PDE4D: variants seen among roughly 807,000 people sequenced by gnomAD.
PDE4D encodes 3',5'-cyclic-AMP phosphodiesterase 4D.
In PDE4D, 24 loss-of-function variants were observed where a neutral mutation model predicts 87.4. The ratio of observed to expected loss-of-function variants is 0.27; its 90% confidence interval spans 0.20 to 0.39. The LOEUF (loss-of-function observed/expected upper bound fraction) is 0.39, where lower values mean the gene tolerates loss of function less well. Ranked by LOEUF, PDE4D falls within the 10% of genes least tolerant of loss-of-function variation. The pLI, the probability that PDE4D is intolerant of heterozygous loss-of-function variation, is 1.00. For missense variants in PDE4D, 714 were observed against 1,041.0 expected, an observed-to-expected ratio of 0.69 and a Z score of 4.32; for synonymous variants, 384 against 383.2, an observed-to-expected ratio of 1.00 and a Z score of -0.02.
intron 1 of PDE4D, among the ~76,000 whole-genome samples, chr5:60,223,201 A>C (rs1372760318): frequency 6.6e-6 from 1 of 152,104 alleles, no homozygotes. Context: ...ATCAACATAT[A>C]ACAAATGAAA....
At chr5:59,901,923 A>AACACAC (rs59453461) in intron 3 of PDE4D, among the ~76,000 whole-genome samples, 3,395 of 134,228 alleles carry the variant, frequency 0.025, 84 homozygotes, top group Non-Finnish European at 0.037. Flanking sequence ...CTTACATGCA[A>AACACAC]ACACACACAC....
At chr5:59,536,563 T>G (rs528128302) in intron 1 of PDE4D, among the ~76,000 whole-genome samples, 69 of 151,242 alleles carry the variant, frequency 4.6e-4, no homozygotes, top group Middle Eastern at 3.4e-3. Flanking sequence ...TTTAAAGATT[T>G]TCCACATGAA....
At chr5:59,679,543 A>T (rs1748669500) in intron 1 of PDE4D, among the ~76,000 whole-genome samples, 1 of 152,098 alleles carries the variant, frequency 6.6e-6, no homozygotes, top group Non-Finnish European at 1.5e-5. Context: ...CAATATATGC[A>T]CTCCACACAA....
Position 59,185,228 on chromosome 5 carries a change from A to C in PDE4D, c.719T>G (p.Phe240Cys). 1 of 1,613,070 alleles carries C rather than the reference A, an allele frequency of 6.2e-7. No homozygotes were observed. The highest frequency in any genetic ancestry group is 8.5e-7 in the Non-Finnish European group (1 of 1,179,292). ...ATCTTGCAAATTAGTTAATGCAGCA[A>C]AGTTGTTTCGTACAGTTCGCAGACT... ...LASLRTVRNNFAALTNLQDRA... is the reference protein window; with the variant it reads ...LASLRTVRNNCAALTNLQDRA... Residue 240 changes from phenylalanine (F) to cysteine (C), a missense_variant, in exon 4 of 15, where the codon TTT (phenylalanine) becomes TGT (cysteine). Coordinates refer to ENST00000340635, the MANE Select transcript of PDE4D (RefSeq NM_001104631.2).
chr5:59,922,518 T>C (rs1754783955), intron 3 of PDE4D, among the ~76,000 whole-genome samples: 1 of 152,002 alleles, frequency 6.6e-6, no homozygotes, highest in Non-Finnish European at 1.5e-5. Flanking sequence ...AGCTTATCCA[T>C]GGTAGGATAG....
intron 1 of PDE4D, among the ~76,000 whole-genome samples, chr5:59,548,975 CATT>C: frequency 6.6e-6 from 1 of 152,228 alleles, no homozygotes; most frequent in East Asian, 1.9e-4. Flanking sequence ...TTCCACGAAT[CATT>C]ATTATTTTCA....
chr5:59,181,541 C>CATATATATATATATATATATA lies in PDE4D; in HGVS notation c.759-898_759-897insTATATATATATATATATATAT, dbSNP rs61135815. On this transcript the variant is annotated intron_variant, in intron 4 of 14. Coordinates refer to ENST00000340635, the MANE Select transcript of PDE4D (RefSeq NM_001104631.2). ...CACTTTTAGATACATTCAAAGATGTCTGATATATATATATATATATATATA... is the reference window on the plus strand; with the variant it reads ...CACTTTTAGATACATTCAAAGATGTCATATATATATATATATATATATGATATATATATATATATATATATA... Among the ~76,000 whole-genome samples, 114 of 60,806 alleles carry CATATATATATATATATATATA rather than the reference C, an allele frequency of 1.9e-3. 6 individuals carry two copies. Among genetic ancestry groups the CATATATATATATATATATATA allele is most frequent in the African/African-American group, 6.9e-3 (104 of 15,176 alleles). The allele number at this position is 60,806 out of a possible 152,430, so 39.9% of individuals were successfully genotyped here. A position where few individuals can be genotyped will look rare whatever the true frequency, so the allele number is the denominator to read the frequency against.
intron 1 of PDE4D, among the ~76,000 whole-genome samples, chr5:59,452,526 G>A (rs530845324): frequency 6.6e-6 from 1 of 152,306 alleles, no homozygotes; most frequent in Admixed American, 6.5e-5. Context: ...GGGTCACCTA[G>A]CTAAGGGTGA....
intron 1 of PDE4D, among the ~76,000 whole-genome samples, chr5:59,257,619 G>T (rs114740786): frequency 6.6e-6 from 1 of 151,938 alleles, no homozygotes; most frequent in African/African-American, 2.4e-5. Flanking sequence ...GCTCAGAGAG[G>T]CATTAGAACA....
chr5:59,494,492 T>C (rs1353476820), intron 1 of PDE4D, among the ~76,000 whole-genome samples: 1 of 152,128 alleles, frequency 6.6e-6, no homozygotes, highest in African/African-American at 2.4e-5. Context: ...AAAAAACACC[T>C]AGAAATTTAT....
intron 5 of PDE4D, among the ~76,000 whole-genome samples, chr5:59,158,089 G>T (rs1308127368): frequency 6.6e-6 from 1 of 152,122 alleles, no homozygotes; most frequent in Non-Finnish European, 1.5e-5. Context: ...TTCTTGGTAT[G>T]TGCTCTTCAA....
Position 59,265,045 on chromosome 5 carries a change from C to T in PDE4D, c.456-49077G>A, listed in dbSNP as rs114096136. On this transcript the variant is annotated intron_variant, in intron 1 of 14. Transcript: ENST00000340635. Reference sequence around the variant, plus strand: ...AGATAATAATCTGTGAATTACACAACCAGGAATGCACCTTAGGACTAGAAG... The same window carrying T: ...AGATAATAATCTGTGAATTACACAATCAGGAATGCACCTTAGGACTAGAAG... Among the ~76,000 whole-genome samples, 780 of 152,050 alleles carry T rather than the reference C, an allele frequency of 5.1e-3. 8 individuals carry two copies. Among genetic ancestry groups the T allele is most frequent in the African/African-American group, 0.016 (683 of 41,506 alleles).
At chr5:59,753,748 G>A (rs1760820399) in intron 1 of PDE4D, among the ~76,000 whole-genome samples, 1 of 152,194 alleles carries the variant, frequency 6.6e-6, no homozygotes. Context: ...TCAACAAAGA[G>A]GGATGAGCAT....
chr5:59,357,065 C>T (rs1252696974), intron 1 of PDE4D: 12 of 447,452 alleles, frequency 2.7e-5, no homozygotes, highest in Admixed American at 4.5e-5. Context: ...TTGGCCTTTG[C>T]GACAGAGTTT....
chr5:60,291,531 A>C (rs1250166808), intron 1 of PDE4D, among the ~76,000 whole-genome samples: 1 of 152,036 alleles, frequency 6.6e-6, no homozygotes, highest in African/African-American at 2.4e-5. Flanking sequence ...TAACGAACAA[A>C]TATAACGTTT....
chr5:59,228,583 G>A (rs1754394431), intron 1 of PDE4D, among the ~76,000 whole-genome samples: 1 of 152,002 alleles, frequency 6.6e-6, no homozygotes, highest in Non-Finnish European at 1.5e-5. Context: ...TTAATGATGT[G>A]CCCTGCTACT....
At chr5:59,568,885 T>A (rs1821372860) in intron 1 of PDE4D, among the ~76,000 whole-genome samples, 1 of 152,002 alleles carries the variant, frequency 6.6e-6, no homozygotes, top group South Asian at 2.1e-4. Flanking sequence ...TATGAATGAA[T>A]AGGGACTTTA....
intron 3 of PDE4D, among the ~76,000 whole-genome samples, chr5:59,919,657 C>T (rs1224503100): frequency 6.6e-6 from 1 of 152,206 alleles, no homozygotes; most frequent in African/African-American, 2.4e-5. Flanking sequence ...ACCTGGTAAT[C>T]ATGCACCATC....
chr5:59,163,561 G>A (rs750504620), intron 5 of PDE4D, among the ~76,000 whole-genome samples: 5 of 152,146 alleles, frequency 3.3e-5, no homozygotes, highest in African/African-American at 9.7e-5. Context: ...GTGAGCCACC[G>A]CTCCTGGTCC....
Sources: gnomAD v4.1 joint callset for allele counts (sites outside exome capture counted in the v4.1 genomes callset) on GRCh38, gnomAD v4.1.1 for gene constraint, MANE v1.5 for transcripts, NCBI Gene and HGNC (gene_info 2026-07-23, HGNC 2026-07-21) for gene names.